The following CAMKMT variants were observed in gnomAD, a reference collection of about 807,000 sequenced individuals.
The protein encoded by CAMKMT is calmodulin-lysine N-methyltransferase, also known as CaM KMT.
In CAMKMT, 53 loss-of-function variants were observed where a neutral mutation model predicts 48.0. The ratio of observed to expected loss-of-function variants is 1.10; its 90% confidence interval spans 0.89 to 1.39. The LOEUF (loss-of-function observed/expected upper bound fraction) is 1.39, where lower values mean the gene tolerates loss of function less well. Among genes scored for constraint, CAMKMT ranks in the 40% most tolerant of loss-of-function variants. CAMKMT has a pLI of 0.00. For synonymous variants in CAMKMT, 165 were observed against 152.3 expected (o/e 1.08, Z -0.61); for missense variants, 428 against 402.7 (o/e 1.06, Z -0.54).
At chr2:44,481,843 T>C (rs1230961612) in intron 3 of CAMKMT, among the ~76,000 whole-genome samples, 1 of 152,060 alleles carries the variant, frequency 6.6e-6, no homozygotes, top group African/African-American at 2.4e-5. Flanking sequence ...TTAGGTATCA[T>C]ACATATGGGG....
chr2:44,468,816 G>A (rs1375616297), intron 3 of CAMKMT, among the ~76,000 whole-genome samples: 2 of 152,206 alleles, frequency 1.3e-5, no homozygotes, highest in Non-Finnish European at 2.9e-5. Context: ...GTACTCAGGA[G>A]GCTGAGGTGG....
At chr2:44,478,934 C>T (rs373834167) in intron 3 of CAMKMT, among the ~76,000 whole-genome samples, 4 of 152,020 alleles carry the variant, frequency 2.6e-5, no homozygotes, top group Non-Finnish European at 4.4e-5. Flanking sequence ...CTCCTGACCT[C>T]GTGATCCGCC....
At chr2:44,367,015 A>G (rs1469377147) in intron 1 of CAMKMT, among the ~76,000 whole-genome samples, 1 of 152,148 alleles carries the variant, frequency 6.6e-6, no homozygotes, top group South Asian at 2.1e-4. Context: ...GTGAGCCACC[A>G]TGCCCGGCCT....
chr2:44,631,338 G>A (rs554854753), intron 3 of CAMKMT, among the ~76,000 whole-genome samples: 2 of 151,972 alleles, frequency 1.3e-5, no homozygotes, highest in African/African-American at 4.8e-5. Flanking sequence ...CAAGTCACAT[G>A]TATACATATG....
In CAMKMT at chr2:44,565,177, A is replaced by G. The variant is rs377094645; in HGVS notation, c.377-139106A>G. On this transcript the variant is annotated intron_variant, in intron 3 of 10. Coordinates refer to ENST00000378494, the MANE Select transcript of CAMKMT (RefSeq NM_024766.5). ...GGTTTAACTTTATATTCACTTAACT[A>G]TGGCAAGGGTGGCTTGATGGCAACA... 2.5e-4 allele frequency among the ~76,000 whole-genome samples: 38 copies of G among 152,324 alleles called. No individual in the cohort carries two copies. The South Asian group carries it at 7.2e-3, about 29-fold the overall frequency.
At chr2:44,606,588 C>G (rs1248129809) in intron 3 of CAMKMT, among the ~76,000 whole-genome samples, 2 of 152,032 alleles carry the variant, frequency 1.3e-5, no homozygotes, top group South Asian at 2.1e-4. Context: ...ATATATCCAG[C>G]TTTTTATTAT....
intron 2 of CAMKMT, among the ~76,000 whole-genome samples, chr2:44,376,957 A>G (rs1266171827): frequency 1.3e-5 from 2 of 152,042 alleles, no homozygotes; most frequent in African/African-American, 2.4e-5. Context: ...AATCCAGGGT[A>G]TGACTCCTGG....
intron 7 of CAMKMT, among the ~76,000 whole-genome samples, chr2:44,738,815 G>GTT (rs1255348132): frequency 1.3e-5 from 2 of 152,168 alleles, no homozygotes; most frequent in Non-Finnish European, 2.9e-5. Context: ...AATGATTGCA[G>GTT]TTTTAAAGAG....
At chr2:44,667,184 C>T (rs1325017961) in intron 3 of CAMKMT, among the ~76,000 whole-genome samples, 1 of 152,184 alleles carries the variant, frequency 6.6e-6, no homozygotes, top group Non-Finnish European at 1.5e-5. Context: ...GCTTTAGGAT[C>T]CAACAGTTCC....
intron 4 of CAMKMT, among the ~76,000 whole-genome samples, chr2:44,705,834 GTTGT>G (rs1677522939): frequency 1.3e-5 from 2 of 151,940 alleles, no homozygotes; most frequent in African/African-American, 4.8e-5. Flanking sequence ...TTTTGTGTGT[GTTGT>G]TTGTATGTAA....
In CAMKMT at chr2:44,653,993, T is replaced by C. The variant is rs1394837871; in HGVS notation, c.377-50290T>C. Among the ~76,000 whole-genome samples, 29 of 152,210 alleles carry C rather than the reference T, an allele frequency of 1.9e-4. No homozygotes were observed. Among genetic ancestry groups the C allele is most frequent in the Non-Finnish European group, 4.4e-5 (3 of 68,038 alleles). On this transcript the variant is annotated intron_variant, in intron 3 of 10. Coordinates refer to ENST00000378494, the MANE Select transcript of CAMKMT (RefSeq NM_024766.5). The surrounding 1 kb of genome is among the most constrained non-coding windows in gnomAD (Gnocchi z 5.2). ...TCTTTGAATTAAAATTTTCTTAGTTTGCCGTGTATTTTAATTGACTCTGGA... is the reference window on the plus strand; with the variant it reads ...TCTTTGAATTAAAATTTTCTTAGTTCGCCGTGTATTTTAATTGACTCTGGA...
chr2:44,729,424 G>A (rs1678964639), intron 7 of CAMKMT, among the ~76,000 whole-genome samples: 1 of 152,168 alleles, frequency 6.6e-6, no homozygotes, highest in African/African-American at 2.4e-5. Context: ...GAAGGGACTG[G>A]AGAGCAAGGT....
chr2:44,682,381 A>G (rs934165642), intron 3 of CAMKMT, among the ~76,000 whole-genome samples: 2 of 152,174 alleles, frequency 1.3e-5, no homozygotes, highest in African/African-American at 4.8e-5. Flanking sequence ...ATATGGTAAA[A>G]ATTTCATTGA....
At chr2:44,540,231 T>C (rs1046899239) in intron 3 of CAMKMT, among the ~76,000 whole-genome samples, 4 of 152,130 alleles carry the variant, frequency 2.6e-5, no homozygotes, top group Non-Finnish European at 5.9e-5. Context: ...TTAAAATCTT[T>C]GCTTTCATTA....
chr2:44,590,207 GA>G (rs1480801097), intron 3 of CAMKMT, among the ~76,000 whole-genome samples: 4 of 152,188 alleles, frequency 2.6e-5, no homozygotes, highest in African/African-American at 9.6e-5. Flanking sequence ...GTCTATGGGG[GA>G]TATTGGTCTG....
intron 3 of CAMKMT, among the ~76,000 whole-genome samples, chr2:44,703,330 A>G (rs1303382549): frequency 6.6e-6 from 1 of 152,194 alleles, no homozygotes; most frequent in Admixed American, 6.5e-5. Flanking sequence ...AAGACTAAGT[A>G]TTTGAAATCA....
At chr2:44,381,306 A>T (rs975139034) in intron 2 of CAMKMT, among the ~76,000 whole-genome samples, 1 of 152,196 alleles carries the variant, frequency 6.6e-6, no homozygotes, top group Non-Finnish European at 1.5e-5. Flanking sequence ...ATTAAAAAAA[A>T]TTACCATTAT....
chr2:44,532,904 C>A (rs1450546290), intron 3 of CAMKMT, among the ~76,000 whole-genome samples: 3 of 151,996 alleles, frequency 2.0e-5, no homozygotes, highest in Non-Finnish European at 4.4e-5. Context: ...CCTCCGTCTC[C>A]CAGGTTCAAG....
intron 3 of CAMKMT, chr2:44,550,652 C>T (rs554488495): frequency 6.6e-6 from 1 of 152,238 alleles, no homozygotes; most frequent in East Asian, 1.9e-4. Flanking sequence ...AAGTCAGTTA[C>T]CAAGATCTAT....
Sources: allele counts gnomAD v4.1 joint callset (sites outside exome capture counted in the v4.1 genomes callset), GRCh38; gene constraint gnomAD v4.1.1; non-coding constraint Gnocchi (gnomAD v3.1); transcripts MANE v1.5; gene names NCBI Gene and HGNC (gene_info 2026-07-23, HGNC 2026-07-21).